OTOGL: variants seen among roughly 807,000 people sequenced by gnomAD.
The protein encoded by OTOGL is otogelin like.
A neutral mutation model predicts 318.5 loss-of-function variants in OTOGL; 285 were observed. That is an observed-to-expected ratio of 0.89 (90% CI 0.81 to 0.99). OTOGL has a LOEUF of 0.99. Among genes scored for constraint, OTOGL ranks in the 50% least tolerant of loss-of-function variants. The probability of loss-of-function intolerance (pLI) is 0.00; values close to 1 mark genes in which losing one functional copy is unlikely to be tolerated. For synonymous variants in OTOGL, 987 were observed against 936.5 expected (o/e 1.05, Z -0.99); for missense variants, 2,899 against 2,845.6 (o/e 1.02, Z -0.43).
chr12:80,323,662 A>T lies in OTOGL; in HGVS notation c.4082-61A>T, dbSNP rs893394602. 3 of 1,254,360 alleles carry T rather than the reference A, an allele frequency of 2.4e-6. No homozygotes were observed. In the African/African-American group the frequency reaches 4.4e-5, roughly 19 times the overall value. 77.7% of individuals were successfully genotyped at this position (1,254,360 alleles called of 1,614,324 possible). Reference sequence around the variant, plus strand: ...AGACTGTCTCAAGAAAGAAAAGGGAATTGTTAGTTTTCAAGCTATGTATTA... The same window carrying T: ...AGACTGTCTCAAGAAAGAAAAGGGATTTGTTAGTTTTCAAGCTATGTATTA... On this transcript the variant is annotated intron_variant, in intron 34 of 58. Transcript: ENST00000547103.
intron 1 of OTOGL, among the ~76,000 whole-genome samples, chr12:80,111,049 A>G (rs1869808859): frequency 6.6e-6 from 1 of 152,218 alleles, no homozygotes; most frequent in South Asian, 2.1e-4. Flanking sequence ...GGCTGCATAA[A>G]TGTGTGCTTT....
Position 80,210,906 on chromosome 12 carries a change from C to A in OTOGL, c.119+20C>A. 1 of 1,450,170 alleles carries A rather than the reference C, an allele frequency of 6.9e-7. No homozygotes were observed. The allele number at this position is 1,450,170 out of a possible 1,614,324, so 89.8% of individuals were successfully genotyped here. On this transcript the variant is annotated intron_variant, in intron 3 of 58. Transcript: ENST00000547103. ...ATCAAAGTGAGTATTTCTTGTTCTT[C>A]GTGTCCTCTAAAACATAAAGTTAAT...
chr12:80,301,949 CA>C (rs1034741691), intron 27 of OTOGL, among the ~76,000 whole-genome samples: 4 of 152,176 alleles, frequency 2.6e-5, no homozygotes, highest in African/African-American at 9.7e-5. Flanking sequence ...TGTGCAGCAG[CA>C]AAACTAGCTG....
At chr12:80,241,598 T>C (rs1336784188) in intron 11 of OTOGL, among the ~76,000 whole-genome samples, 1 of 152,176 alleles carries the variant, frequency 6.6e-6, no homozygotes, top group Non-Finnish European at 1.5e-5. Context: ...TCAATTGCCT[T>C]ATCTTTAATA....
chr12:80,127,877 G>A (rs1870958236), intron 1 of OTOGL, among the ~76,000 whole-genome samples: 1 of 152,148 alleles, frequency 6.6e-6, no homozygotes, highest in Non-Finnish European at 1.5e-5. Flanking sequence ...TCGTGCCATG[G>A]TTTTTAGCTC....
At chr12:80,156,505 C>T (rs1016548103) in intron 1 of OTOGL, among the ~76,000 whole-genome samples, 2 of 152,178 alleles carry the variant, frequency 1.3e-5, no homozygotes, top group Non-Finnish European at 2.9e-5. Context: ...GGTTTGGCTG[C>T]GTCCCCCATA....
At chr12:80,177,372 C>A (rs1381684760) in intron 1 of OTOGL, among the ~76,000 whole-genome samples, 1 of 152,166 alleles carries the variant, frequency 6.6e-6, no homozygotes, top group Non-Finnish European at 1.5e-5. Flanking sequence ...AAGAGATTAT[C>A]CTTGCCCCAT....
chr12:80,266,633 G>A lies in OTOGL; in HGVS notation c.2390+17G>A. 1.2e-6 allele frequency: 2 copies of A among 1,606,268 alleles called. No homozygotes were observed. Among genetic ancestry groups the A allele is most frequent in the South Asian group, 1.1e-5 (1 of 90,386 alleles). Reference sequence around the variant, plus strand: ...TGTACCCATGTAAGTCGTAGAAACAGGTTGGCAGCATCCTGTTTTAATCTC... The same window carrying A: ...TGTACCCATGTAAGTCGTAGAAACAAGTTGGCAGCATCCTGTTTTAATCTC... On this transcript the variant is annotated intron_variant, in intron 21 of 58. Coordinates refer to ENST00000547103, the MANE Select transcript of OTOGL (RefSeq NM_001378609.3).
rs1387117480 is a variant in OTOGL, at chr12:80,232,999, G to T, written c.719G>T (p.Gly240Val). ...GFSLAWDGISGIYLKLSEDHK... is the reference protein window; with the variant it reads ...GFSLAWDGISVIYLKLSEDHK... ...TCATTGGCTTGGGACGGGATATCTG[G>T]GATCTACCTCAAGCTGTCTGAGGAC... Residue 240 changes from glycine to valine, a missense_variant, in exon 9 of 59, where the codon GGG becomes GTG. Gly to Val is a moderately radical substitution (Grantham distance 109). This residue lies in a region of OTOGL where 2,607 missense variants were observed against 2,524.9 expected (regional missense o/e 1.03). Transcript: ENST00000547103. 1 of 1,598,662 alleles carries T rather than the reference G, an allele frequency of 6.3e-7. No homozygotes were observed. The highest frequency in any genetic ancestry group is 8.5e-7 in the Non-Finnish European group (1 of 1,179,086).
chr12:80,300,308 A>C lies in OTOGL; in HGVS notation c.3064-2326A>C, dbSNP rs1472720491. Among the ~76,000 whole-genome samples, 3 of 151,838 alleles carry C rather than the reference A, an allele frequency of 2.0e-5. No homozygotes were observed. In the South Asian group the frequency reaches 6.2e-4, roughly 32 times the overall value. Reference sequence around the variant, plus strand: ...CAGTGCTGAGGGCCTTCCTTGCCTCATAACTCCAACTTGGCACTTGGGTAT... The same window carrying C: ...CAGTGCTGAGGGCCTTCCTTGCCTCCTAACTCCAACTTGGCACTTGGGTAT... On this transcript the variant is annotated intron_variant, in intron 27 of 58. Transcript: ENST00000547103.
chr12:80,356,682 G>GTATA (rs113605309), intron 48 of OTOGL, 125 bp from the exon 49 acceptor site: 34 of 592,366 alleles, frequency 5.7e-5, no homozygotes, highest in East Asian at 3.9e-4. Context: ...TCATATATAT[G>GTATA]TATATATATA....
chr12:80,279,921 T>C (rs7980350), intron 26 of OTOGL, among the ~76,000 whole-genome samples: 106,963 of 151,618 alleles, frequency 0.71, 39,051 homozygotes, highest in East Asian at 0.94. Flanking sequence ...CATATAGCAG[T>C]GTATAAGCAT....
chr12:80,306,797 A>ATTT (rs1565970265), intron 29 of OTOGL, among the ~76,000 whole-genome samples: 1 of 90,068 alleles, frequency 1.1e-5, no homozygotes, highest in East Asian at 2.3e-4. Context: ...ATTTTATTTT[A>ATTT]TTATTATTAT....
chr12:80,366,103 A>G (rs764483141), intron 52 of OTOGL, among the ~76,000 whole-genome samples: 1 of 152,102 alleles, frequency 6.6e-6, no homozygotes, highest in Non-Finnish European at 1.5e-5. Context: ...TTATCCCCAT[A>G]TTGCAGATAA....
intron 26 of OTOGL, among the ~76,000 whole-genome samples, chr12:80,287,504 G>T (rs1884723758): frequency 1.3e-5 from 2 of 152,046 alleles, no homozygotes; most frequent in Non-Finnish European, 2.9e-5. Context: ...GGGTGTTAAA[G>T]TCTCCCACTA....
intron 1 of OTOGL, among the ~76,000 whole-genome samples, chr12:80,115,627 T>C (rs1490959280): frequency 6.6e-6 from 1 of 152,210 alleles, no homozygotes; most frequent in African/African-American, 2.4e-5. Flanking sequence ...AACATTTAAG[T>C]CTGCTGAAGC....
At chr12:80,148,700 G>A (rs1872569750) in intron 1 of OTOGL, among the ~76,000 whole-genome samples, 1 of 152,224 alleles carries the variant, frequency 6.6e-6, no homozygotes, top group African/African-American at 2.4e-5. Flanking sequence ...CGAATCAGAT[G>A]TAGATTTGGT....
At chr12:80,348,554 C>T (rs903206157) in intron 44 of OTOGL, among the ~76,000 whole-genome samples, 1 of 152,034 alleles carries the variant, frequency 6.6e-6, no homozygotes, top group Non-Finnish European at 1.5e-5. Context: ...TCCTTGTTTG[C>T]AAATCTCTAC....
intron 9 of OTOGL, among the ~76,000 whole-genome samples, chr12:80,234,207 G>C (rs2137410522): frequency 6.6e-6 from 1 of 152,128 alleles, no homozygotes; most frequent in Non-Finnish European, 1.5e-5. Flanking sequence ...GTGCACCCTT[G>C]CACTCAGCCA....
Sources: allele counts gnomAD v4.1 joint callset (sites outside exome capture counted in the v4.1 genomes callset), GRCh38; gene constraint gnomAD v4.1.1; regional missense constraint gnomAD v4.1.1; transcripts MANE v1.5; gene names NCBI Gene and HGNC (gene_info 2026-07-23, HGNC 2026-07-21).